The following CDC20 variants were observed in gnomAD, a reference collection of about 807,000 sequenced individuals.
CDC20 encodes the protein cell division cycle protein 20 homolog.
A neutral mutation model predicts 60.0 loss-of-function variants in CDC20; 34 were observed. The ratio of observed to expected loss-of-function variants is 0.57; its 90% CI spans 0.43 to 0.75. CDC20 has a LOEUF of 0.75. Among genes scored for constraint, CDC20 ranks in the 30% least tolerant of loss-of-function variants. The pLI, the probability that CDC20 is intolerant of heterozygous loss-of-function variation, is 0.00. For synonymous variants in CDC20, 198 were observed against 243.5 expected, an observed-to-expected ratio of 0.81 and a Z score of 1.74; for missense variants, 469 against 647.3, an observed-to-expected ratio of 0.72 and a Z score of 2.99.
intron 1 of CDC20, 34 bp downstream of exon 1, chr1:43,359,040 C>A: frequency 1.5e-6 from 1 of 649,970 alleles, no homozygotes; most frequent in Non-Finnish European, 2.7e-6. Flanking sequence ...GAGGTGGGGC[C>A]GTGGCCAGGG....
In CDC20 at chr1:43,359,286, C is replaced by T. The variant is rs1647158642; in HGVS notation, c.71C>T (p.Pro24Leu). 1.2e-6 allele frequency: 2 copies of T among 1,612,494 alleles called. No homozygotes were observed. The highest frequency in any genetic ancestry group is 2.2e-5 in the East Asian group (1 of 44,856). The change falls in exon 2 of 11, where the codon CCC becomes CTC. Residue 24 changes from proline (P) to leucine (L), a missense_variant. This residue lies in a region of CDC20 where 115 missense variants were observed against 156.1 expected (regional missense o/e 0.74). Transcript: ENST00000310955. The part of the protein sequence containing the change: ...LQLDAPIPNA[P>L]PARWQRKAKE... ...CTGGATGCACCCATCCCCAATGCAC[C>T]CCCTGCGCGCTGGCAGCGCAAAGCC... is the stretch of plus-strand genomic sequence containing the variant.
In CDC20 at chr1:43,360,572, G is replaced by A. The variant is rs1336259710; in HGVS notation, c.827G>A (p.Trp276Ter). 3.7e-6 allele frequency: 6 copies of A among 1,613,848 alleles called. No homozygotes were observed. The highest frequency in any genetic ancestry group is 5.1e-6 in the Non-Finnish European group (6 of 1,179,834). Residue 276 changes from tryptophan (W) to a stop codon, truncating the protein, a stop_gained, in exon 7 of 11, where the codon TGG becomes TAG. Coordinates refer to ENST00000310955, the MANE Select transcript of CDC20 (RefSeq NM_001255.3). LOFTEE classifies it high-confidence loss of function. ...SHSARVGSLSWNSYILSSGSR... is the reference protein window; with the variant it reads ...SHSARVGSLS ...TCTGCCCGAGTGGGCTCCCTAAGCT[G>A]GAACAGCTATATCCTGTCCAGGTCA...
rs761748136 is a variant in CDC20 at position 43,360,493 on chromosome 1, C to G, written c.754-6C>G. 13 of 1,613,452 alleles carry G rather than the reference C, an allele frequency of 8.1e-6. No individual in the cohort carries two copies. Among genetic ancestry groups the G allele is most frequent in the Non-Finnish European group, 1.1e-5 (13 of 1,179,332 alleles). Reference sequence around the variant, plus strand: ...ATCTCTGATCCTAGTGGGCTTCTCTCTCTAGCTATGGGATGTGCAGCAGCA... The same window carrying G: ...ATCTCTGATCCTAGTGGGCTTCTCTGTCTAGCTATGGGATGTGCAGCAGCA... On this transcript the variant is annotated splice_region_variant and splice_polypyrimidine_tract_variant and intron_variant, in intron 6 of 10. Transcript: ENST00000310955.
intron 9 of CDC20, among the ~76,000 whole-genome samples, chr1:43,361,696 A>G (rs946934532): frequency 6.6e-6 from 1 of 152,156 alleles, no homozygotes; most frequent in Non-Finnish European, 1.5e-5. Context: ...ATCTCCTGCA[A>G]TGCATCCTCC....
chr1:43,362,720 C>A (rs544104451), intron 10 of CDC20, among the ~76,000 whole-genome samples: 2 of 152,222 alleles, frequency 1.3e-5, no homozygotes, highest in South Asian at 4.1e-4. Flanking sequence ...AAAAAATTAG[C>A]CAGGCGTGGT....
intron 8 of CDC20, 65 bp downstream of exon 8, chr1:43,361,026 G>A: frequency 6.3e-7 from 1 of 1,598,514 alleles, no homozygotes; most frequent in African/African-American, 1.3e-5. Flanking sequence ...GTTAAGGGGA[G>A]AAGGGATGGT....
intron 8 of CDC20, 52 bp downstream of exon 8, chr1:43,361,013 A>T (rs1309782211): frequency 6.3e-7 from 1 of 1,593,382 alleles, no homozygotes; most frequent in South Asian, 1.1e-5. Context: ...TAATCTGGGG[A>T]CTGTTAAGGG....
intron 1 of CDC20, 28 bp downstream of exon 1, chr1:43,359,034 TG>T (rs928651524): frequency 8.2e-5 from 52 of 637,140 alleles, no homozygotes; most frequent in Non-Finnish European, 1.4e-4. Context: ...TGAGCCGAGG[TG>T]GGGCCGTGGC....
intron 10 of CDC20, 138 bp from the exon 11 acceptor site, chr1:43,362,813 C>A (rs1459947981): frequency 3.1e-6 from 2 of 653,602 alleles, no homozygotes; most frequent in Non-Finnish European, 5.3e-6. Flanking sequence ...TGCAGTGAGC[C>A]AAGATTGCGC....
Position 43,360,386 on chromosome 1 carries a change from G to A in CDC20, c.750G>A (p.Val250=). Reference sequence around the variant, plus strand: ...CTGTGGGCACCAGCAGTGCTGAGGTGCAGGTGAGACGTGTCCAGTGCTGTC... The same window carrying A: ...CTGTGGGCACCAGCAGTGCTGAGGTACAGGTGAGACGTGTCCAGTGCTGTC... The part of the protein sequence containing the change: ...YLAVGTSSAE[V]QLWDVQQQKR... The change falls in exon 6 of 11, where the codon GTG becomes GTA. Residue 250 remains valine, a synonymous_variant. Coordinates refer to ENST00000310955, the MANE Select transcript of CDC20 (RefSeq NM_001255.3). 6.2e-7 allele frequency: 1 copy of A among 1,614,134 alleles called. No homozygotes were observed. Among genetic ancestry groups the A allele is most frequent in the Non-Finnish European group, 8.5e-7 (1 of 1,179,958 alleles).
chr1:43,358,992 GC>G lies in CDC20; in HGVS notation c.-63del. ...AGGCGTGTTAAAGCCGGTCGGAACT[GC>G]TCCGGAGGGCACGGTGAGAGGTGGT... is the stretch of plus-strand genomic sequence containing the variant. On this transcript the variant is annotated 5_prime_UTR_variant, in exon 1 of 11. Transcript: ENST00000310955. 1 of 602,480 alleles carries G rather than the reference GC, an allele frequency of 1.7e-6. No homozygotes were observed. The highest frequency in any genetic ancestry group is 3.0e-6 in the Non-Finnish European group (1 of 338,932). 37.3% of individuals were successfully genotyped at this position (602,480 alleles called of 1,614,324 possible).
At chr1:43,360,657 C>A (rs1647168832) in intron 7 of CDC20, 64 bp downstream of exon 7, 2 of 1,564,016 alleles carry the variant, frequency 1.3e-6, no homozygotes, top group Non-Finnish European at 8.8e-7. Context: ...GACTGTACAC[C>A]CCTGAACTGA....
At chr1:43,362,352 T>A in intron 10 of CDC20, 40 bp downstream of exon 10, 1 of 860,938 alleles carries the variant, frequency 1.2e-6, no homozygotes, top group Admixed American at 1.8e-5. Flanking sequence ...AAAGGCCACA[T>A]AATGTATGAC....
Position 43,363,155 on chromosome 1 carries a change from T to C in CDC20, c.*26T>C, listed in dbSNP as rs748200234. 3 of 1,595,122 alleles carry C rather than the reference T, an allele frequency of 1.9e-6. No homozygotes were observed. Among genetic ancestry groups the C allele is most frequent in the South Asian group, 2.3e-5 (2 of 86,704 alleles). On this transcript the variant is annotated 3_prime_UTR_variant, in exon 11 of 11. Transcript: ENST00000310955. ...AGACCAACCCATCACCTCAGTTGTT[T>C]TTTATTTTTCTAATAAAGTCATGTC...
chr1:43,359,903 T>C, intron 4 of CDC20, 66 bp from the exon 5 acceptor site: 5 of 1,610,500 alleles, frequency 3.1e-6, no homozygotes, highest in Non-Finnish European at 3.4e-6. Flanking sequence ...CTCCTCTTCC[T>C]ATCTAAGATT....
Position 43,359,437 on chromosome 1 carries a change from A to C in CDC20, c.181+41A>C, listed in dbSNP as rs751800735. ...AAGGAACTGAGTGAGAGCAGCCTTC[A>C]TACTTTCTCCCTGGGGAGCCTGGTC... On this transcript the variant is annotated intron_variant, in intron 2 of 10. Coordinates refer to ENST00000310955, the MANE Select transcript of CDC20 (RefSeq NM_001255.3). 26 of 1,613,188 alleles carry C rather than the reference A, an allele frequency of 1.6e-5. No individual in the cohort carries two copies. In the South Asian group the frequency reaches 2.1e-4, roughly 13 times the overall value.
At chr1:43,362,779 G>T (rs1647178415) in intron 10 of CDC20, among the ~76,000 whole-genome samples, 172 bp from the exon 11 acceptor site, 1 of 152,168 alleles carries the variant, frequency 6.6e-6, no homozygotes, top group African/African-American at 2.4e-5. Flanking sequence ...GCAGGAAAAT[G>T]GCATGAACCC....
In CDC20 at chr1:43,362,155, C is replaced by A. The variant is rs758476676; in HGVS notation, c.1204-40C>A. 9.1e-6 allele frequency: 11 copies of A among 1,206,130 alleles called. No homozygotes were observed. In the Admixed American group the frequency reaches 1.0e-4, roughly 11 times the overall value. The allele number at this position is 1,206,130 out of a possible 1,614,324, so 74.7% of individuals were successfully genotyped here. On this transcript the variant is annotated intron_variant, in intron 9 of 10. Transcript: ENST00000310955. Reference sequence around the variant, plus strand: ...TGGGCTCAGTTCTGATTTAAGTAGCCTTGGCTATATGTCATGCCCACACCA... The same window carrying A: ...TGGGCTCAGTTCTGATTTAAGTAGCATTGGCTATATGTCATGCCCACACCA...
chr1:43,359,957 C>T lies in CDC20; in HGVS notation c.428-12C>T. 6.2e-7 allele frequency: 1 copy of T among 1,614,098 alleles called. No homozygotes were observed. The highest frequency in any genetic ancestry group is 8.5e-7 in the Non-Finnish European group (1 of 1,179,990). ...GATTTTCCCAGCGTCTAGACTCACT[C>T]CGTTGCCACAGGTTATCAGAACAGA... On this transcript the variant is annotated splice_polypyrimidine_tract_variant and intron_variant, in intron 4 of 10. Transcript: ENST00000310955.
Sources: allele counts gnomAD v4.1 joint callset (sites outside exome capture counted in the v4.1 genomes callset), GRCh38; gene constraint gnomAD v4.1.1; regional missense constraint gnomAD v4.1.1; transcripts MANE v1.5; gene names NCBI Gene and HGNC (gene_info 2026-07-23, HGNC 2026-07-21).